SCLT1: variants seen among roughly 807,000 people sequenced by gnomAD.
The protein encoded by SCLT1 is sodium channel-associated protein 1.
SCLT1 carries 78 observed loss-of-function variants against 112.8 expected under a neutral mutation model. The ratio of observed to expected loss-of-function variants is 0.69; its 90% confidence interval spans 0.58 to 0.83. The LOEUF (loss-of-function observed/expected upper bound fraction) is 0.83. Among genes scored for constraint, SCLT1 ranks in the 40% least tolerant of loss-of-function variants. The pLI is 0.00. For missense variants in SCLT1, 747 were observed against 770.4 expected, an observed-to-expected ratio of 0.97 and a Z score of 0.36; for synonymous variants, 257 against 254.7, an observed-to-expected ratio of 1.01 and a Z score of -0.09.
rs186353161 is a variant in SCLT1 at position 129,048,204 on chromosome 4, C to T, written c.103-4153G>A. On this transcript the variant is annotated intron_variant, in intron 2 of 20. Transcript: ENST00000281142. Reference sequence around the variant, plus strand: ...TAAGCCAAAAGAACAAAGCTGGAGGCATCACGCTACCTGACTTAAAACTAT... The same window carrying T: ...TAAGCCAAAAGAACAAAGCTGGAGGTATCACGCTACCTGACTTAAAACTAT... 2.6e-5 allele frequency among the ~76,000 whole-genome samples: 4 copies of T among 152,228 alleles called. No individual in the cohort carries two copies. The East Asian group carries it at 7.7e-4, about 29-fold the overall frequency.
chr4:129,024,919 C>T (rs1233972240), intron 5 of SCLT1, among the ~76,000 whole-genome samples: 11 of 151,862 alleles, frequency 7.2e-5, no homozygotes, highest in Admixed American at 2.0e-4. Flanking sequence ...CCTCAGGAGC[C>T]GATGCGATCA....
intron 2 of SCLT1, among the ~76,000 whole-genome samples, chr4:129,075,891 G>A (rs1751420082): frequency 6.6e-6 from 1 of 152,002 alleles, no homozygotes; most frequent in Non-Finnish European, 1.5e-5. Flanking sequence ...TATGACAGTT[G>A]GCACAAACTC....
At chr4:128,948,335 C>CAAAAAAAAAAAAAAAAA (rs11312069) in intron 15 of SCLT1, among the ~76,000 whole-genome samples, 161 bp downstream of exon 15, 2 of 47,958 alleles carry the variant, frequency 4.2e-5, no homozygotes, top group East Asian at 5.8e-4. Context: ...GACTCCATTG[C>CAAAAAAAAAAAAAAAAA]AAAAAAAAAA....
intron 9 of SCLT1, among the ~76,000 whole-genome samples, chr4:128,980,522 C>A (rs1002290758): frequency 6.6e-6 from 1 of 152,074 alleles, no homozygotes; most frequent in African/African-American, 2.4e-5. Flanking sequence ...AGCTCTAATG[C>A]TCTTCAATGA....
intron 5 of SCLT1, among the ~76,000 whole-genome samples, chr4:129,030,811 T>C (rs1746643492): frequency 1.3e-5 from 2 of 152,204 alleles, no homozygotes; most frequent in African/African-American, 2.4e-5. Flanking sequence ...ATTGAGGCAG[T>C]ACTTAATAGC....
At chr4:128,916,171 T>C (rs565075516) in intron 18 of SCLT1, among the ~76,000 whole-genome samples, 2 of 152,326 alleles carry the variant, frequency 1.3e-5, no homozygotes, top group African/African-American at 4.8e-5. Context: ...GCCAAGATGC[T>C]AATAATACTG....
At chr4:129,000,470 A>C (rs1743378919) in intron 6 of SCLT1, among the ~76,000 whole-genome samples, 1 of 151,984 alleles carries the variant, frequency 6.6e-6, no homozygotes, top group Admixed American at 6.6e-5. Flanking sequence ...TGGTACAGAA[A>C]CTTTTAAACT....
rs557759826 is a variant in SCLT1 at position 128,997,910 on chromosome 4, G to T, written c.579C>A (p.Thr193=). The T allele has an allele frequency of 6.6e-7, 1 of 1,513,992 alleles. No homozygotes were observed. Among genetic ancestry groups the T allele is most frequent in the African/African-American group, 1.4e-5 (1 of 71,120 alleles). The allele number at this position is 1,513,992 out of a possible 1,614,324, so 93.8% of individuals were successfully genotyped here. A position where few individuals can be genotyped will look rare whatever the true frequency, so the allele number is the denominator to read the frequency against. The change falls in exon 8 of 21, where the codon ACC becomes ACA. Residue 193 remains threonine (T), a synonymous_variant. Coordinates refer to ENST00000281142, the MANE Select transcript of SCLT1 (RefSeq NM_144643.4). The part of the protein sequence containing the change: ...KDQLFDFQQL[T]KQLHVTNENM... The stretch of plus-strand genomic sequence containing the variant: ...TCTCATTAGTAACATGAAGTTGTTT[G>T]GTCAGTTGTTGAAAATCAAATAGCT...
At chr4:128,983,632 G>A (rs1741857135) in intron 9 of SCLT1, among the ~76,000 whole-genome samples, 1 of 152,118 alleles carries the variant, frequency 6.6e-6, no homozygotes, top group South Asian at 2.1e-4. Flanking sequence ...GGAGGTTTGA[G>A]GAGGATCAGG....
At chr4:129,073,775 G>A (rs1173387754) in intron 2 of SCLT1, among the ~76,000 whole-genome samples, 1 of 152,074 alleles carries the variant, frequency 6.6e-6, no homozygotes, top group Non-Finnish European at 1.5e-5. Flanking sequence ...ATTAAATCCA[G>A]ACTCCTCAAC....
intron 18 of SCLT1, among the ~76,000 whole-genome samples, chr4:128,901,843 C>T (rs1448694560): frequency 2.6e-5 from 4 of 151,980 alleles, no homozygotes; most frequent in African/African-American, 4.8e-5. Flanking sequence ...TAGTATTTTA[C>T]ATATATGTAT....
intron 10 of SCLT1, among the ~76,000 whole-genome samples, chr4:128,965,632 GC>G (rs533761231): frequency 9.9e-5 from 15 of 152,226 alleles, no homozygotes; most frequent in African/African-American, 3.4e-4. Flanking sequence ...CAGATAATGT[GC>G]CTTTAGAATA....
chr4:129,030,213 T>G (rs1024938903), intron 5 of SCLT1, among the ~76,000 whole-genome samples: 3 of 152,146 alleles, frequency 2.0e-5, no homozygotes, highest in Non-Finnish European at 4.4e-5. Flanking sequence ...GAATGACTAC[T>G]GCGTAAATAA....
At chr4:128,881,296 A>G (rs74621125), downstream of SCLT1, among the ~76,000 whole-genome samples, 1,514 of 152,238 alleles carry the variant, frequency 9.9e-3, 27 homozygotes, top group African/African-American at 0.035. Context: ...ATTTATTTTG[A>G]AAAAAATGAT....
At chr4:129,074,459 A>G (rs1367096343) in intron 2 of SCLT1, among the ~76,000 whole-genome samples, 4 of 152,156 alleles carry the variant, frequency 2.6e-5, no homozygotes, top group Non-Finnish European at 5.9e-5. Flanking sequence ...TGATTTAGCA[A>G]TCCTTTTCCA....
chr4:128,922,768 T>C (rs1189021048), intron 18 of SCLT1, among the ~76,000 whole-genome samples: 1 of 152,270 alleles, frequency 6.6e-6, no homozygotes, highest in East Asian at 1.9e-4. Context: ...ACAACAAACC[T>C]GCTCATGTAC....
At chr4:129,079,006 C>A (rs545433182) in intron 2 of SCLT1, among the ~76,000 whole-genome samples, 1 of 152,186 alleles carries the variant, frequency 6.6e-6, no homozygotes, top group African/African-American at 2.4e-5. Context: ...CATTTATAAG[C>A]AAGCAGATTT....
chr4:129,001,336 TG>T (rs942891300), intron 6 of SCLT1, among the ~76,000 whole-genome samples: 20 of 132,582 alleles, frequency 1.5e-4, no homozygotes, highest in Middle Eastern at 3.6e-3. Flanking sequence ...ACTGGGGTGG[TG>T]GGGGGGTGGG....
At chr4:128,885,618 A>T (rs1293754362) in intron 20 of SCLT1, among the ~76,000 whole-genome samples, 4 of 152,126 alleles carry the variant, frequency 2.6e-5, no homozygotes, top group Non-Finnish European at 5.9e-5. Flanking sequence ...TTAAAAGGAG[A>T]GACAATGCTT....
Sources: allele counts gnomAD v4.1 joint callset (sites outside exome capture counted in the v4.1 genomes callset), GRCh38; gene constraint gnomAD v4.1.1; transcripts MANE v1.5; gene names NCBI Gene and HGNC (gene_info 2026-07-23, HGNC 2026-07-21).